Variants in ADAMTSL1 observed in about 807,000 individuals in gnomAD.
The protein encoded by ADAMTSL1 is ADAMTS-like protein 1.
Under a neutral mutation model 201.8 loss-of-function variants are expected in ADAMTSL1, and 126 were observed. The observed-to-expected ratio is 0.62, with a 90% CI of 0.54 to 0.72. The LOEUF (loss-of-function observed/expected upper bound fraction) is 0.72. Ranked by LOEUF, ADAMTSL1 falls within the 30% of genes least tolerant of loss-of-function variation. The pLI, the probability that ADAMTSL1 is intolerant of heterozygous loss-of-function variation, is 0.00. For synonymous variants in ADAMTSL1, 1,121 were observed against 903.4 expected, an observed-to-expected ratio of 1.24 and a Z score of -4.32; for missense variants, 2,679 against 2,277.8, an observed-to-expected ratio of 1.18 and a Z score of -3.59.
chr9:18,030,514 C>A (rs1820905684), intron 1 of ADAMTSL1, among the ~76,000 whole-genome samples: 1 of 151,810 alleles, frequency 6.6e-6, no homozygotes, highest in Non-Finnish European at 1.5e-5. Flanking sequence ...AACTAACCTG[C>A]ACATTGTGCA....
At chr9:18,511,838 C>G (rs547478118) in intron 2 of ADAMTSL1, among the ~76,000 whole-genome samples, 2 of 152,186 alleles carry the variant, frequency 1.3e-5, no homozygotes, top group East Asian at 1.9e-4. Context: ...GCTTCTTAAA[C>G]AAATGTTTGT....
rs147721804 is a variant in ADAMTSL1 at position 17,994,303 on chromosome 9, T to C, written c.87+87381T>C. Among the ~76,000 whole-genome samples the C allele has an allele frequency of 8.1e-3, 1,238 of 152,270 alleles. 24 individuals are homozygous for C. Among genetic ancestry groups the C allele is most frequent in the African/African-American group, 0.028 (1,160 of 41,568 alleles). On this transcript the variant is annotated intron_variant, in intron 1 of 29. Coordinates refer to the ADAMTSL1 transcript ENST00000680146. ...GTTGGAGATATTTGTGGAGTATCTG[T>C]CTCAAATAACTTTTCTATCTTTTTT... is the stretch of plus-strand genomic sequence containing the variant.
At chr9:18,179,400 C>T (rs200371101) in intron 2 of ADAMTSL1, among the ~76,000 whole-genome samples, 1 of 152,156 alleles carries the variant, frequency 6.6e-6, no homozygotes, top group South Asian at 2.1e-4. Flanking sequence ...CTACGTCTGA[C>T]TGGTGTACCT....
rs138705147 is a variant in ADAMTSL1 at position 18,613,475 on chromosome 9, A to G, written c.475-8768A>G. 8.8e-3 allele frequency among the ~76,000 whole-genome samples: 1,338 copies of G among 152,332 alleles called. 22 individuals carry two copies. The highest frequency in any genetic ancestry group is 0.031 in the African/African-American group (1,270 of 41,574). On this transcript the variant is annotated intron_variant, in intron 4 of 28. Coordinates refer to ENST00000380548, the MANE Select transcript of ADAMTSL1 (RefSeq NM_001040272.6). ...ATGGAATCAACCTAAATGCCCATCA[A>G]TGATAGACTGGATAAAGGAAATGTG...
intron 21 of ADAMTSL1, among the ~76,000 whole-genome samples, chr9:18,823,587 T>A (rs940468476): frequency 1.3e-5 from 2 of 152,098 alleles, no homozygotes; most frequent in African/African-American, 2.4e-5. Context: ...TCATTTTCTC[T>A]CCCCCTGAGT....
intron 15 of ADAMTSL1, among the ~76,000 whole-genome samples, chr9:18,750,155 T>TG (rs1479555832): frequency 6.6e-6 from 1 of 152,052 alleles, no homozygotes; most frequent in African/African-American, 2.4e-5. Context: ...AACCTTTTTT[T>TG]AAGCATAATA....
chr9:18,845,600 C>G (rs1826055257), intron 23 of ADAMTSL1, among the ~76,000 whole-genome samples: 2 of 152,256 alleles, frequency 1.3e-5, no homozygotes, highest in African/African-American at 4.8e-5. Flanking sequence ...CAGTGGTATT[C>G]TGACCACCCA....
intron 1 of ADAMTSL1, among the ~76,000 whole-genome samples, chr9:18,147,752 T>C (rs974847371): frequency 6.6e-6 from 1 of 152,106 alleles, no homozygotes; most frequent in Non-Finnish European, 1.5e-5. Flanking sequence ...GCTGTTCCAT[T>C]CCATTGATTG....
chr9:18,602,517 A>G (rs943266732), intron 4 of ADAMTSL1, among the ~76,000 whole-genome samples: 8 of 152,284 alleles, frequency 5.3e-5, no homozygotes, highest in African/African-American at 1.9e-4. Context: ...TGGGCTTCTA[A>G]TCTGGTTCTG....
chr9:18,147,613 C>A (rs1813376257), intron 1 of ADAMTSL1, among the ~76,000 whole-genome samples: 1 of 152,092 alleles, frequency 6.6e-6, no homozygotes, highest in Non-Finnish European at 1.5e-5. Flanking sequence ...TTTTCACTGC[C>A]ATCAACTAAG....
rs111565591 is a variant in ADAMTSL1, at chr9:18,487,999, A to G, written c.63+13704A>G. 3.2e-3 allele frequency among the ~76,000 whole-genome samples: 491 copies of G among 152,336 alleles called. 1 individual carries two copies. The highest frequency in any genetic ancestry group is 0.011 in the African/African-American group (459 of 41,572). On this transcript the variant is annotated intron_variant, in intron 1 of 28. Coordinates refer to ENST00000380548, the MANE Select transcript of ADAMTSL1 (RefSeq NM_001040272.6). ...CATTTTTAAAAGGGTTCGTAATGGC[A>G]TATAAAATAGGAATGTCACTTCAGT...
chr9:18,532,410 A>G (rs2132102248), intron 2 of ADAMTSL1, among the ~76,000 whole-genome samples: 2 of 152,318 alleles, frequency 1.3e-5, no homozygotes, highest in Admixed American at 1.3e-4. Flanking sequence ...CACATGCACA[A>G]AGATGGTTTA....
At chr9:17,990,573 T>G (rs571557630) in intron 1 of ADAMTSL1, among the ~76,000 whole-genome samples, 5 of 152,108 alleles carry the variant, frequency 3.3e-5, no homozygotes, top group Non-Finnish European at 5.9e-5. Context: ...TGACCTTATT[T>G]ATTGGCCTCA....
At chr9:18,030,058 A>T (rs1395619042) in intron 1 of ADAMTSL1, among the ~76,000 whole-genome samples, 2 of 152,206 alleles carry the variant, frequency 1.3e-5, no homozygotes, top group Admixed American at 6.5e-5. Flanking sequence ...TATATACCCA[A>T]AGGATTATAA....
At chr9:18,411,832 C>G (rs1005242173) in intron 2 of ADAMTSL1, among the ~76,000 whole-genome samples, 4 of 152,070 alleles carry the variant, frequency 2.6e-5, no homozygotes, top group African/African-American at 9.7e-5. Context: ...TTATTACACC[C>G]AAAACAATTA....
At chr9:18,559,006 G>C (rs1821298050) in intron 3 of ADAMTSL1, among the ~76,000 whole-genome samples, 1 of 152,126 alleles carries the variant, frequency 6.6e-6, no homozygotes, top group South Asian at 2.1e-4. Flanking sequence ...AAGCTCTTTA[G>C]TTTAATTAGA....
chr9:18,236,652 C>G (rs1563826952), intron 2 of ADAMTSL1, among the ~76,000 whole-genome samples: 1 of 152,174 alleles, frequency 6.6e-6, no homozygotes, highest in Non-Finnish European at 1.5e-5. Context: ...CTATTAAATT[C>G]AGTATCTATT....
Position 18,737,155 on chromosome 9 carries a change from C to A in ADAMTSL1, c.2006+15490C>A, listed in dbSNP as rs192357622. ...CCAACATGGAGAAACCTTGTCTCTA[C>A]TAAAAATACAAAAATTAGCCGGGCG... On this transcript the variant is annotated intron_variant, in intron 15 of 28. Transcript: ENST00000380548. 2.7e-3 allele frequency among the ~76,000 whole-genome samples: 407 copies of A among 151,962 alleles called. 3 individuals are homozygous for A. The highest frequency in any genetic ancestry group is 3.6e-3 in the Non-Finnish European group (247 of 67,954).
rs569263813 is a variant in ADAMTSL1, at chr9:18,908,006, T to G, written c.5183-436T>G. On this transcript the variant is annotated intron_variant, in intron 28 of 28. Transcript: ENST00000380548. ...AGTCTCACTTCACACTCCTGCAAAG[T>G]CGGGGAGGATGCAGTGCTGGGAACC... 4.0e-4 allele frequency: 81 copies of G among 202,954 alleles called. 2 individuals are homozygous for G. In the South Asian group the frequency reaches 6.2e-3, roughly 16 times the overall value. 12.6% of individuals were successfully genotyped at this position (202,954 alleles called of 1,614,324 possible). A position where few individuals can be genotyped will look rare whatever the true frequency, so the allele number is the denominator to read the frequency against.
Sources: allele counts gnomAD v4.1 joint callset (sites outside exome capture counted in the v4.1 genomes callset), GRCh38; gene constraint gnomAD v4.1.1; transcripts MANE v1.5; gene names NCBI Gene and HGNC (gene_info 2026-07-23, HGNC 2026-07-21).